CHCHD3: variants seen among roughly 807,000 people sequenced by gnomAD.
CHCHD3 encodes coiled-coil-helix-coiled-coil-helix domain containing 3, also known as MICOS complex subunit MIC19.
In CHCHD3, 20 loss-of-function variants were observed where a neutral mutation model predicts 38.2. The ratio of observed to expected loss-of-function variants is 0.52; its 90% CI spans 0.37 to 0.76. CHCHD3 has a LOEUF of 0.76. Ranked by LOEUF, CHCHD3 falls within the 30% of genes least tolerant of loss-of-function variation. The probability of loss-of-function intolerance (pLI) is 0.00; values close to 1 mark genes in which losing one functional copy is unlikely to be tolerated. For synonymous variants in CHCHD3, 82 were observed against 100.0 expected, an observed-to-expected ratio of 0.82 and a Z score of 1.07; for missense variants, 245 against 279.2, an observed-to-expected ratio of 0.88 and a Z score of 0.87.
At chr7:132,887,317 T>A (rs562989675) in intron 4 of CHCHD3, among the ~76,000 whole-genome samples, 2 of 151,902 alleles carry the variant, frequency 1.3e-5, no homozygotes, top group South Asian at 4.2e-4. Flanking sequence ...ATAGTAAAAA[T>A]TTTATTAGAC....
intron 4 of CHCHD3, among the ~76,000 whole-genome samples, chr7:132,947,741 T>C (rs2117281500): frequency 6.6e-6 from 1 of 152,128 alleles, no homozygotes; most frequent in Middle Eastern, 3.4e-3. Context: ...ATGATGACTA[T>C]GTTTAAAACA....
chr7:132,899,742 C>T (rs1809617063), intron 4 of CHCHD3, among the ~76,000 whole-genome samples: 1 of 152,204 alleles, frequency 6.6e-6, no homozygotes, highest in Admixed American at 6.5e-5. Context: ...TGGCAGCTAA[C>T]TCATGGTCTA....
rs10245003 is a variant in CHCHD3 at position 132,946,543 on chromosome 7, T to C, written c.369+28626A>G. Among the ~76,000 whole-genome samples, 246 of 151,984 alleles carry C rather than the reference T, an allele frequency of 1.6e-3. 1 individual carries two copies. Among genetic ancestry groups the C allele is most frequent in the African/African-American group, 5.8e-3 (240 of 41,560 alleles). On this transcript the variant is annotated intron_variant, in intron 4 of 7. Transcript: ENST00000262570. ...ATTAAACTTTTATTGTTACAGGTCA[T>C]TAAGAATTAACTCCAAAAATTTATA...
intron 4 of CHCHD3, among the ~76,000 whole-genome samples, chr7:132,900,891 T>C (rs990620892): frequency 9.9e-5 from 15 of 152,112 alleles, no homozygotes; most frequent in Non-Finnish European, 8.8e-5. Flanking sequence ...CTCAGGAGGC[T>C]GAGGCAGGAG....
intron 4 of CHCHD3, among the ~76,000 whole-genome samples, chr7:132,955,173 GGT>G (rs3050414): frequency 1.6e-3 from 203 of 126,282 alleles, no homozygotes; most frequent in African/African-American, 4.8e-3. Flanking sequence ...TCCCTCAGAG[GGT>G]GTGTGTGTGT....
intron 6 of CHCHD3, among the ~76,000 whole-genome samples, chr7:132,831,607 C>T (rs1408071767): frequency 1.3e-5 from 2 of 152,114 alleles, no homozygotes; most frequent in Non-Finnish European, 2.9e-5. Flanking sequence ...AAGCACAGAA[C>T]TTAATAGCTC....
At chr7:132,998,245 G>A (rs1294300217) in intron 3 of CHCHD3, among the ~76,000 whole-genome samples, 1 of 152,188 alleles carries the variant, frequency 6.6e-6, no homozygotes, top group East Asian at 1.9e-4. Flanking sequence ...TTTGAACAAT[G>A]CAGTTTAGGC....
At chr7:132,911,299 A>G (rs1010736059) in intron 4 of CHCHD3, among the ~76,000 whole-genome samples, 1 of 152,194 alleles carries the variant, frequency 6.6e-6, no homozygotes, top group African/African-American at 2.4e-5. Context: ...ACCCCCATCT[A>G]CAAAGAGCTA....
chr7:133,075,778 G>A (rs759338035), intron 1 of CHCHD3, among the ~76,000 whole-genome samples: 15 of 152,156 alleles, frequency 9.9e-5, no homozygotes, highest in Admixed American at 2.0e-4. Flanking sequence ...AGTATCTTGC[G>A]GTCAGGTGTG....
At chr7:132,939,383 C>A (rs892718989) in intron 4 of CHCHD3, among the ~76,000 whole-genome samples, 2 of 152,094 alleles carry the variant, frequency 1.3e-5, no homozygotes, top group African/African-American at 4.8e-5. Context: ...CCATTTTTAT[C>A]TTTTATGCTA....
intron 5 of CHCHD3, among the ~76,000 whole-genome samples, chr7:132,858,803 T>C (rs1343132018): frequency 6.6e-6 from 1 of 152,198 alleles, no homozygotes; most frequent in Non-Finnish European, 1.5e-5. Flanking sequence ...TAAGTGTTAA[T>C]ACAGACATTT....
chr7:132,999,044 C>T (rs1812496835), intron 3 of CHCHD3, among the ~76,000 whole-genome samples: 3 of 152,006 alleles, frequency 2.0e-5, no homozygotes, highest in African/African-American at 7.3e-5. Context: ...ATGCTTGAGC[C>T]CAGGAGGTTG....
intron 3 of CHCHD3, among the ~76,000 whole-genome samples, chr7:132,993,425 T>C (rs943226881): frequency 1.8e-4 from 27 of 152,218 alleles, no homozygotes; most frequent in African/African-American, 6.5e-4. Flanking sequence ...GTAGTAATCG[T>C]TGTCAATGCT....
chr7:132,907,800 C>T (rs1439066657), intron 4 of CHCHD3, among the ~76,000 whole-genome samples: 1 of 151,932 alleles, frequency 6.6e-6, no homozygotes, highest in African/African-American at 2.4e-5. Flanking sequence ...TGAAAGGATC[C>T]AAGTGTGATA....
intron 4 of CHCHD3, among the ~76,000 whole-genome samples, chr7:132,894,072 C>T (rs1347756068): frequency 6.6e-6 from 1 of 152,146 alleles, no homozygotes; most frequent in Admixed American, 6.5e-5. Flanking sequence ...TTGGAGTACA[C>T]AAATTTTGAA....
At chr7:132,921,045 T>A (rs1356166937) in intron 4 of CHCHD3, among the ~76,000 whole-genome samples, 1 of 152,180 alleles carries the variant, frequency 6.6e-6, no homozygotes, top group Non-Finnish European at 1.5e-5. Context: ...ATTTTCCAGC[T>A]ATCATGCCCC....
intron 3 of CHCHD3, among the ~76,000 whole-genome samples, chr7:133,024,088 C>A (rs1053523753): frequency 6.6e-6 from 1 of 152,170 alleles, no homozygotes; most frequent in African/African-American, 2.4e-5. Flanking sequence ...ATGTCTGTAA[C>A]ATCCTAATTT....
chr7:132,922,596 T>C (rs1211233495), intron 4 of CHCHD3, among the ~76,000 whole-genome samples: 3 of 152,026 alleles, frequency 2.0e-5, no homozygotes. Context: ...TAGCAGATAC[T>C]ACTGATAAAC....
intron 5 of CHCHD3, among the ~76,000 whole-genome samples, chr7:132,879,526 G>A (rs1397801220): frequency 2.0e-5 from 3 of 151,814 alleles, no homozygotes; most frequent in South Asian, 2.1e-4. Context: ...GTCCTGGGGA[G>A]ACAAGGCCCT....
Sources: gnomAD v4.1 joint callset for allele counts (sites outside exome capture counted in the v4.1 genomes callset) on GRCh38, gnomAD v4.1.1 for gene constraint, MANE v1.5 for transcripts, NCBI Gene and HGNC (gene_info 2026-07-23, HGNC 2026-07-21) for gene names.